PCDH11X: variants seen among roughly 807,000 people sequenced by gnomAD.
PCDH11X encodes the protein protocadherin 11 X-linked.
In PCDH11X, 18 loss-of-function variants were observed where a neutral mutation model predicts 53.3. The observed-to-expected ratio is 0.34, with a 90% CI of 0.23 to 0.50. The LOEUF (loss-of-function observed/expected upper bound fraction) is 0.50, where lower values mean the gene tolerates loss of function less well. Ranked by LOEUF, PCDH11X falls within the 20% of genes least tolerant of loss-of-function variation. The pLI is 0.98. For synonymous variants in PCDH11X, 279 were observed against 393.3 expected (o/e 0.71, Z 3.44); for missense variants, 570 against 1,032.4 (o/e 0.55, Z 6.14).
chrX:92,091,089 T>C (rs2064040319), intron 6 of PCDH11X, among the ~76,000 whole-genome samples: 1 of 111,678 alleles, frequency 9.0e-6, no homozygotes, highest in Non-Finnish European at 1.9e-5. Context: ...TTAGCATTGA[T>C]CAGCACTTGA....
intron 8 of PCDH11X, among the ~76,000 whole-genome samples, chrX:92,379,131 G>A (rs1185339667): frequency 1.8e-5 from 2 of 112,525 alleles, no homozygotes; most frequent in East Asian, 5.7e-4. Flanking sequence ...GAATTGGAGG[G>A]GTGAGGGCCT....
intron 5 of PCDH11X, among the ~76,000 whole-genome samples, chrX:91,875,276 G>T (rs1939534486): frequency 1.0e-5 from 1 of 98,510 alleles, no homozygotes. Context: ...ACAGGGAGGG[G>T]ATTTTTTTTT....
intron 6 of PCDH11X, among the ~76,000 whole-genome samples, chrX:92,089,615 C>T (rs973148379): frequency 3.1e-4 from 33 of 107,607 alleles, no homozygotes; most frequent in African/African-American, 4.7e-4. Context: ...CTCCTCCTCC[C>T]GGGTTCAAAC....
chrX:91,877,146 C>T lies in PCDH11X; in HGVS notation c.906C>T (p.Leu302=), dbSNP rs1939658276. ...ACATTGCCAGGAGATTATTTCACCT[C>T]AATGCCACCACTGGACTTATCACAA... ...VSNIARRLFH[L]NATTGLITIK... Residue 302 remains leucine, a synonymous_variant, in exon 6 of 11, where the codon CTC becomes CTT. Coordinates refer to ENST00000682573, the MANE Select transcript of PCDH11X (RefSeq NM_032968.5). 1.6e-5 allele frequency: 17 copies of T among 1,053,448 alleles called. No homozygotes were observed. Among genetic ancestry groups the T allele is most frequent in the Non-Finnish European group, 2.2e-5 (17 of 766,890 alleles). 86.8% of individuals were successfully genotyped at this position (1,053,448 alleles called of 1,213,427 possible).
intron 8 of PCDH11X, among the ~76,000 whole-genome samples, chrX:92,286,121 G>C (rs762104095): frequency 9.1e-6 from 1 of 110,136 alleles, no homozygotes; most frequent in Non-Finnish European, 1.9e-5. Flanking sequence ...ATATGTCACA[G>C]TGCTGCAGAG....
chrX:92,149,091 G>A lies in PCDH11X; in HGVS notation c.3034-52284G>A, dbSNP rs12008451. Among the ~76,000 whole-genome samples the A allele has an allele frequency of 9.0e-3, 1,005 of 111,055 alleles. 10 individuals carry two copies. The highest frequency in any genetic ancestry group is 0.027 in the African/African-American group (821 of 30,547). On this transcript the variant is annotated intron_variant, in intron 6 of 10. Transcript: ENST00000682573. ...TTTGCTATCCTCATCTATCAGAAACGAGTGTATCTGTATTGTAAAACATCA... is the reference window on the plus strand; with the variant it reads ...TTTGCTATCCTCATCTATCAGAAACAAGTGTATCTGTATTGTAAAACATCA...
At chrX:92,171,461 A>C (rs1056668386) in intron 6 of PCDH11X, among the ~76,000 whole-genome samples, 3 of 110,770 alleles carry the variant, frequency 2.7e-5, no homozygotes, top group Non-Finnish European at 5.7e-5. Context: ...TCTGCAAAAA[A>C]TGATTTTTTT....
rs1482852138 is a variant in PCDH11X, at chrX:92,618,615, C to T, written c.3719C>T (p.Ala1240Val). The change falls in exon 11 of 11, where the codon GCC becomes GTC. Residue 1240 changes from alanine to valine, a missense_variant. Coordinates refer to ENST00000682573, the MANE Select transcript of PCDH11X (RefSeq NM_032968.5). ...CACCACAGCCCACCATCAGCACAGG[C>T]CTCAGCCCTCTGCTACAGCCCTCCT... ...ALHHSPPSAQASALCYSPPLA... is the reference protein window; with the variant it reads ...ALHHSPPSAQVSALCYSPPLA... 3.3e-6 allele frequency: 4 copies of T among 1,210,416 alleles called. No individual in the cohort carries two copies. The highest frequency in any genetic ancestry group is 4.5e-6 in the Non-Finnish European group (4 of 895,232).
chrX:92,149,925 T>C (rs936171279), intron 6 of PCDH11X, among the ~76,000 whole-genome samples: 5 of 111,989 alleles, frequency 4.5e-5, no homozygotes, highest in Non-Finnish European at 9.4e-5. Flanking sequence ...TAAAGTAGCA[T>C]GTACTTTATT....
At position 92,178,842 on chromosome X, in the gene PCDH11X, A is replaced by AT. The variant is rs997471157; in HGVS notation, c.3034-22526dup. The stretch of plus-strand genomic sequence containing the variant: ...AAGAATGATGGTTATACAGAAAAAT[A>AT]TTTTTTTGTTTCAAATCTAGTTCAG... On this transcript the variant is annotated intron_variant, in intron 6 of 10. Coordinates refer to ENST00000682573, the MANE Select transcript of PCDH11X (RefSeq NM_032968.5). 1.3e-4 allele frequency among the ~76,000 whole-genome samples: 14 copies of AT among 111,917 alleles called. No homozygotes were observed. The South Asian group carries it at 1.8e-3, about 15-fold the overall frequency.
chrX:91,981,771 A>G (rs1439980355), intron 6 of PCDH11X, among the ~76,000 whole-genome samples: 1 of 107,590 alleles, frequency 9.3e-6, no homozygotes, highest in Non-Finnish European at 1.9e-5. Context: ...TGTGCAGGGT[A>G]ACTCCTGTTG....
At chrX:92,046,233 A>G (rs1417478776) in intron 6 of PCDH11X, among the ~76,000 whole-genome samples, 1 of 111,766 alleles carries the variant, frequency 8.9e-6, no homozygotes, top group Non-Finnish European at 1.9e-5. Flanking sequence ...AGAATTGGTC[A>G]TTAAATTTTT....
intron 6 of PCDH11X, among the ~76,000 whole-genome samples, chrX:92,072,071 C>T (rs1256402551): frequency 9.0e-6 from 1 of 110,898 alleles, no homozygotes; most frequent in Non-Finnish European, 1.9e-5. Flanking sequence ...CTGTGGCCAG[C>T]AGTACACCAG....
intron 9 of PCDH11X, among the ~76,000 whole-genome samples, chrX:92,416,831 G>C (rs1287899829): frequency 1.8e-5 from 2 of 111,547 alleles, no homozygotes; most frequent in Non-Finnish European, 3.8e-5. Flanking sequence ...TAAAACAAGT[G>C]CTTTTATTTA....
At chrX:91,925,368 T>C (rs751553089) in intron 6 of PCDH11X, among the ~76,000 whole-genome samples, 2 of 111,454 alleles carry the variant, frequency 1.8e-5, no homozygotes, top group South Asian at 3.8e-4. Context: ...TGAATGTGTA[T>C]CAATTTGTAC....
intron 8 of PCDH11X, among the ~76,000 whole-genome samples, chrX:92,315,084 C>T (rs747795794): frequency 9.0e-6 from 1 of 111,459 alleles, no homozygotes; most frequent in African/African-American, 3.3e-5. Context: ...GTAAATGCCA[C>T]AAGAAAAGTG....
At chrX:92,063,637 G>A (rs2063559505) in intron 6 of PCDH11X, among the ~76,000 whole-genome samples, 1 of 112,163 alleles carries the variant, frequency 8.9e-6, no homozygotes, top group South Asian at 3.7e-4. Flanking sequence ...TCTGGTTTTC[G>A]AGTTGCCATG....
intron 1 of PCDH11X, among the ~76,000 whole-genome samples, chrX:91,795,407 T>C (rs1935699786): frequency 9.0e-6 from 1 of 110,536 alleles, no homozygotes. Context: ...GTAAAAGGGC[T>C]TATGTACATT....
chrX:92,445,373 C>T (rs189056120), intron 9 of PCDH11X, among the ~76,000 whole-genome samples: 2,640 of 101,905 alleles, frequency 0.026, 94 homozygotes, highest in African/African-American at 0.09. Flanking sequence ...TAGAGTTGTT[C>T]TTAATAATCC....
Sources: gnomAD v4.1 joint callset for allele counts (sites outside exome capture counted in the v4.1 genomes callset) on GRCh38, gnomAD v4.1.1 for gene constraint, MANE v1.5 for transcripts, NCBI Gene and HGNC (gene_info 2026-07-23, HGNC 2026-07-21) for gene names.